E2F6: variants seen among roughly 807,000 people sequenced by gnomAD.
E2F6 encodes E2F transcription factor 6, also known as transcription factor E2F6.
In E2F6, 19 loss-of-function variants were observed where a neutral mutation model predicts 31.5. The observed-to-expected ratio is 0.60, with a 90% CI of 0.42 to 0.89. The LOEUF (loss-of-function observed/expected upper bound fraction) is 0.89. Among genes scored for constraint, E2F6 ranks in the 40% least tolerant of loss-of-function variants. E2F6 has a pLI of 0.00. For missense variants in E2F6, 269 were observed against 341.6 expected (o/e 0.79, Z 1.67); for synonymous variants, 121 against 127.7 (o/e 0.95, Z 0.36).
Position 11,453,781 on chromosome 2 carries a change from T to G in E2F6, c.181A>C (p.Arg61=). 1 of 1,613,936 alleles carries G rather than the reference T, an allele frequency of 6.2e-7. No homozygotes were observed. Among genetic ancestry groups the G allele is most frequent in the Non-Finnish European group, 8.5e-7 (1 of 1,179,874 alleles). ...VSMRKALKVK[R]PRFDVSLVYL... is the part of the protein sequence containing the mutation. ...ACCAGCGATACATCAAAACGAGGTC[T>G]CTTCACTTTTAGAGCTTCTGGGAAA... The change falls in exon 3 of 7, where the codon AGA becomes CGA. Residue 61 remains arginine, a synonymous_variant. Transcript: ENST00000381525.
At chr2:11,465,490 TAGA>T (rs1553336882) in intron 1 of E2F6, among the ~76,000 whole-genome samples, 2 of 152,090 alleles carry the variant, frequency 1.3e-5, no homozygotes, top group African/African-American at 2.4e-5. Flanking sequence ...CTAGAGTCCA[TAGA>T]AGGAGATAAA....
At chr2:11,447,477 A>AAT in intron 6 of E2F6, 150 bp downstream of exon 6, 1 of 870,394 alleles carries the variant, frequency 1.1e-6, no homozygotes, top group Non-Finnish European at 1.8e-6. Flanking sequence ...TGTTCACAGA[A>AAT]ATATTCTAAA....
At chr2:11,451,623 T>C in intron 4 of E2F6, 28 bp downstream of exon 4, 1 of 1,576,386 alleles carries the variant, frequency 6.3e-7, no homozygotes. Context: ...AAGCAGAAAT[T>C]TTAAAAAGGT....
intron 4 of E2F6, chr2:11,451,346 AAC>A: frequency 1.8e-5 from 2 of 112,484 alleles, no homozygotes; most frequent in Non-Finnish European, 3.8e-5. Flanking sequence ...ACTTTTACCT[AAC>A]TTTTTTTTTT....
At chr2:11,463,256 C>T (rs1316453320) in intron 1 of E2F6, among the ~76,000 whole-genome samples, 2 of 152,178 alleles carry the variant, frequency 1.3e-5, no homozygotes, top group African/African-American at 4.8e-5. Context: ...AAAACCAGCT[C>T]CTCCTCTTAC....
chr2:11,459,806 C>T (rs566442055), intron 1 of E2F6, among the ~76,000 whole-genome samples: 3 of 152,216 alleles, frequency 2.0e-5, no homozygotes. Flanking sequence ...ATCGCTTGAA[C>T]CCGGGAGGCA....
chr2:11,458,176 A>G (rs1558459980), intron 1 of E2F6: 2 of 1,219,300 alleles, frequency 1.6e-6, no homozygotes. Flanking sequence ...GCTCTTATCT[A>G]AGAAAAAACT....
chr2:11,447,540 G>T (rs913875415), intron 6 of E2F6, 87 bp downstream of exon 6: 1 of 1,410,026 alleles, frequency 7.1e-7, no homozygotes, highest in African/African-American at 1.4e-5. Context: ...TGGCTAGGAA[G>T]AGTAAAAATA....
Position 11,446,476 on chromosome 2 carries a change from A to G in E2F6, c.*1T>C. ...AGTGATACATAAATTCTCAAATGCCATCAGTTGCTTACTTCAAGCAATTCT... is the reference window on the plus strand; with the variant it reads ...AGTGATACATAAATTCTCAAATGCCGTCAGTTGCTTACTTCAAGCAATTCT... On this transcript the variant is annotated 3_prime_UTR_variant, in exon 7 of 7. Coordinates refer to ENST00000381525, the MANE Select transcript of E2F6 (RefSeq NM_198256.4). 2 of 1,609,388 alleles carry G rather than the reference A, an allele frequency of 1.2e-6. No individual in the cohort carries two copies. Among genetic ancestry groups the G allele is most frequent in the Non-Finnish European group, 1.7e-6 (2 of 1,177,222 alleles).
chr2:11,455,016 G>T (rs1472864501), intron 2 of E2F6, among the ~76,000 whole-genome samples: 1 of 152,148 alleles, frequency 6.6e-6, no homozygotes, highest in Non-Finnish European at 1.5e-5. Flanking sequence ...ATATTTCAAT[G>T]AACCTTTTTG....
chr2:11,459,495 T>C (rs1252845419), intron 1 of E2F6, among the ~76,000 whole-genome samples: 1 of 152,232 alleles, frequency 6.6e-6, no homozygotes, highest in Non-Finnish European at 1.5e-5. Context: ...TTTGTTTTTT[T>C]TTCCTCTTCA....
chr2:11,446,290 T>C lies in E2F6; in HGVS notation c.*187A>G. On this transcript the variant is annotated 3_prime_UTR_variant, in exon 7 of 7. Coordinates refer to ENST00000381525, the MANE Select transcript of E2F6 (RefSeq NM_198256.4). ...AATTATAAAAGGAGTTGTTTTCAAA[T>C]GTGGAAACCACAATTACTCAGTAAT... 3.9e-6 allele frequency: 2 copies of C among 518,256 alleles called. No individual in the cohort carries two copies. The highest frequency in any genetic ancestry group is 7.0e-6 in the Non-Finnish European group (2 of 287,630). 32.1% of individuals were successfully genotyped at this position (518,256 alleles called of 1,614,324 possible). A position where few individuals can be genotyped will look rare whatever the true frequency, so the allele number is the denominator to read the frequency against.
intron 5 of E2F6, 122 bp downstream of exon 5, chr2:11,449,890 C>A: frequency 3.3e-6 from 2 of 603,606 alleles, no homozygotes; most frequent in South Asian, 2.3e-5. Flanking sequence ...GTGCCTTGAG[C>A]AGTATCGGAT....
At chr2:11,462,917 G>T (rs73917207) in intron 1 of E2F6, among the ~76,000 whole-genome samples, 1,805 of 152,282 alleles carry the variant, frequency 0.012, 52 homozygotes, top group African/African-American at 0.041. Flanking sequence ...GATGAGAGGG[G>T]ACTAATAGGA....
intron 1 of E2F6, among the ~76,000 whole-genome samples, chr2:11,461,496 C>T (rs983663898): frequency 2.6e-5 from 4 of 152,144 alleles, no homozygotes; most frequent in African/African-American, 9.7e-5. Context: ...GGATTACAGG[C>T]GCACGTCACC....
intron 5 of E2F6, among the ~76,000 whole-genome samples, chr2:11,449,640 A>G (rs966239557): frequency 2.1e-4 from 32 of 152,240 alleles, no homozygotes. Flanking sequence ...TTAATTCCCC[A>G]GTGCCTTGGC....
intron 2 of E2F6, 80 bp downstream of exon 2, chr2:11,457,099 C>T: frequency 9.1e-7 from 1 of 1,103,664 alleles, no homozygotes; most frequent in East Asian, 2.4e-5. Flanking sequence ...TTCTCATCAA[C>T]TCATACACTT....
At chr2:11,448,668 T>C (rs917382150) in intron 5 of E2F6, among the ~76,000 whole-genome samples, 10 of 152,234 alleles carry the variant, frequency 6.6e-5, no homozygotes, top group African/African-American at 2.4e-4. Context: ...TGATAAATCC[T>C]GTACAATTTA....
rs1670660107 is a variant in E2F6 at position 11,445,449 on chromosome 2, C to T, written c.*1028G>A. On this transcript the variant is annotated 3_prime_UTR_variant, in exon 7 of 7. Transcript: ENST00000381525. ...AGGCACAGAGTGGTAAATGACTTAC[C>T]CAATGAGGTAGAAACAGCTAGGTAT... 6.6e-6 allele frequency: 1 copy of T among 152,540 alleles called. No individual in the cohort carries two copies. The highest frequency in any genetic ancestry group is 6.6e-5 in the Admixed American group (1 of 15,264). The allele number at this position is 152,540 out of a possible 1,614,324, so 9.4% of individuals were successfully genotyped here. A position where few individuals can be genotyped will look rare whatever the true frequency, so the allele number is the denominator to read the frequency against.
Sources: gnomAD v4.1 joint callset for allele counts (sites outside exome capture counted in the v4.1 genomes callset) on GRCh38, gnomAD v4.1.1 for gene constraint, MANE v1.5 for transcripts, NCBI Gene and HGNC (gene_info 2026-07-23, HGNC 2026-07-21) for gene names.